TEAD1: variants seen among roughly 807,000 people sequenced by gnomAD.
The protein encoded by TEAD1 is transcriptional enhancer factor TEF-1.
A neutral mutation model predicts 54.9 loss-of-function variants in TEAD1; 9 were observed. That is an observed-to-expected ratio of 0.16 (90% CI 0.10 to 0.29). The LOEUF is 0.29. Among genes scored for constraint, TEAD1 ranks in the 10% least tolerant of loss-of-function variants. The pLI is 1.00. For synonymous variants in TEAD1, 200 were observed against 187.8 expected, an observed-to-expected ratio of 1.07 and a Z score of -0.53; for missense variants, 387 against 535.9, an observed-to-expected ratio of 0.72 and a Z score of 2.74.
At chr11:12,815,563 A>G (rs1946397757) in intron 3 of TEAD1, among the ~76,000 whole-genome samples, 1 of 152,210 alleles carries the variant, frequency 6.6e-6, no homozygotes, top group Non-Finnish European at 1.5e-5. Flanking sequence ...AAAACTGGCC[A>G]TGACATGATG....
chr11:12,729,247 C>T (rs1475488355), intron 2 of TEAD1, among the ~76,000 whole-genome samples: 1 of 152,184 alleles, frequency 6.6e-6, no homozygotes, highest in Non-Finnish European at 1.5e-5. Context: ...ACGAGATTCC[C>T]CAGGCCTCTC....
chr11:12,763,522 G>C (rs1226348822), intron 2 of TEAD1, among the ~76,000 whole-genome samples: 1 of 152,194 alleles, frequency 6.6e-6, no homozygotes, highest in Non-Finnish European at 1.5e-5. Flanking sequence ...GTCCAGGTCA[G>C]CCAGCATTGC....
chr11:12,910,236 TA>T (rs1303346839), intron 10 of TEAD1, among the ~76,000 whole-genome samples: 5 of 151,134 alleles, frequency 3.3e-5, no homozygotes, highest in Admixed American at 3.3e-4. Flanking sequence ...CAAAAGCAGT[TA>T]ATTTCTAGCT....
intron 3 of TEAD1, among the ~76,000 whole-genome samples, chr11:12,833,296 G>T (rs996475269): frequency 6.6e-6 from 1 of 152,134 alleles, no homozygotes; most frequent in Non-Finnish European, 1.5e-5. Context: ...GATTTGGGGG[G>T]AATTCAGATC....
chr11:12,695,929 T>G (rs1215224676), intron 2 of TEAD1, among the ~76,000 whole-genome samples: 2 of 152,152 alleles, frequency 1.3e-5, no homozygotes, highest in Non-Finnish European at 2.9e-5. Flanking sequence ...CCCTTTCAGG[T>G]GAGATTCCTG....
Position 12,901,996 on chromosome 11 carries a change from A to G in TEAD1, c.756A>G (p.Pro252=). Residue 252 remains proline, a synonymous_variant, in exon 10 of 13, where the codon CCA becomes CCG. Transcript: ENST00000527636. ...ATGCCAACCATTCTTACAGTGACCC[A>G]TTGCTTGAATCAGTGGACATTCGTC... is the stretch of plus-strand genomic sequence containing the variant. The G allele has an allele frequency of 1.9e-6, 3 of 1,614,224 alleles. No homozygotes were observed. Among genetic ancestry groups the G allele is most frequent in the Non-Finnish European group, 1.7e-6 (2 of 1,180,038 alleles).
intron 2 of TEAD1, among the ~76,000 whole-genome samples, chr11:12,692,832 A>G (rs2133826428): frequency 6.6e-6 from 1 of 152,350 alleles, no homozygotes; most frequent in East Asian, 1.9e-4. Context: ...GAGCCCAGCC[A>G]TGCAGCGCCT....
At chr11:12,773,661 A>G (rs912405329) in intron 3 of TEAD1, among the ~76,000 whole-genome samples, 8 of 151,274 alleles carry the variant, frequency 5.3e-5, no homozygotes, top group Admixed American at 5.3e-4. Context: ...TCTAGATACA[A>G]CTCCCTTTTT....
chr11:12,751,146 G>A (rs866609053), intron 2 of TEAD1, among the ~76,000 whole-genome samples: 2 of 151,920 alleles, frequency 1.3e-5, no homozygotes, highest in Admixed American at 6.6e-5. Context: ...CCAAAAAACC[G>A]AAATAATTAG....
intron 10 of TEAD1, among the ~76,000 whole-genome samples, chr11:12,906,221 A>G (rs1459188465): frequency 6.6e-6 from 1 of 152,072 alleles, no homozygotes; most frequent in Non-Finnish European, 1.5e-5. Flanking sequence ...GGTATAATTT[A>G]TATACTATAA....
chr11:12,894,687 G>A (rs143141820), intron 9 of TEAD1, among the ~76,000 whole-genome samples: 189 of 152,206 alleles, frequency 1.2e-3, no homozygotes, highest in African/African-American at 3.8e-3. Context: ...GAACAGAATC[G>A]CCTTAATGAG....
chr11:12,861,769 C>T (rs1252567160), intron 3 of TEAD1, among the ~76,000 whole-genome samples: 3 of 152,162 alleles, frequency 2.0e-5, no homozygotes, highest in African/African-American at 7.2e-5. Context: ...GGTGGATCAC[C>T]TGAGGTCGGG....
Position 12,789,667 on chromosome 11 carries a change from C to G in TEAD1, c.202+25233C>G, listed in dbSNP as rs189043257. On this transcript the variant is annotated intron_variant, in intron 3 of 12. Transcript: ENST00000527636. ...CAGCCAGGTTGATAATTAGCATCAA[C>G]AGATGCAAGCCGAGAGTCTCCTGGG... is the stretch of plus-strand genomic sequence containing the variant. Among the ~76,000 whole-genome samples the G allele has an allele frequency of 2.8e-4, 42 of 152,354 alleles. No homozygotes were observed. The East Asian group carries it at 4.6e-3, about 17-fold the overall frequency.
At chr11:12,726,201 T>C (rs1944307997) in intron 2 of TEAD1, among the ~76,000 whole-genome samples, 1 of 151,488 alleles carries the variant, frequency 6.6e-6, no homozygotes, top group Admixed American at 6.6e-5. Flanking sequence ...ACTATTGGAG[T>C]GGGAGAAGGT....
intron 3 of TEAD1, among the ~76,000 whole-genome samples, chr11:12,857,211 A>C (rs761018576): frequency 1.6e-4 from 24 of 152,220 alleles, no homozygotes; most frequent in Non-Finnish European, 3.2e-4. Context: ...AAAGAAAATA[A>C]AATGAAATAA....
intron 10 of TEAD1, chr11:12,905,130 A>C (rs2134133006): frequency 6.5e-6 from 1 of 152,788 alleles, no homozygotes; most frequent in African/African-American, 2.4e-5. Flanking sequence ...TTTTTAAATA[A>C]GGTTTCTGAT....
At chr11:12,885,734 C>T (rs1564977472) in intron 9 of TEAD1, among the ~76,000 whole-genome samples, 1 of 152,126 alleles carries the variant, frequency 6.6e-6, no homozygotes, top group Non-Finnish European at 1.5e-5. Flanking sequence ...TGGTAGCTCC[C>T]TCATTGTTAA....
intron 7 of TEAD1, among the ~76,000 whole-genome samples, 166 bp downstream of exon 7, chr11:12,881,217 G>A (rs1947959143): frequency 6.6e-6 from 1 of 152,178 alleles, no homozygotes; most frequent in African/African-American, 2.4e-5. Context: ...CCCCTGGCAG[G>A]AAAGAGACTG....
At chr11:12,932,847 C>T (rs967333676) in intron 12 of TEAD1, among the ~76,000 whole-genome samples, 7 of 152,134 alleles carry the variant, frequency 4.6e-5, no homozygotes, top group Non-Finnish European at 8.8e-5. Context: ...GTAAGCTCCA[C>T]GCATGGTAAG....
Sources: gnomAD v4.1 joint callset for allele counts (sites outside exome capture counted in the v4.1 genomes callset) on GRCh38, gnomAD v4.1.1 for gene constraint, MANE v1.5 for transcripts, NCBI Gene and HGNC (gene_info 2026-07-23, HGNC 2026-07-21) for gene names.